Variants in DPP6 observed in about 807,000 individuals in gnomAD.
DPP6 encodes the protein dipeptidyl peptidase like 6.
A neutral mutation model predicts 122.6 loss-of-function variants in DPP6; 69 were observed. That is an observed-to-expected ratio of 0.56 (90% CI 0.46 to 0.69). The LOEUF is 0.69. Among genes scored for constraint, DPP6 ranks in the 30% least tolerant of loss-of-function variants. The pLI, the probability that DPP6 is intolerant of heterozygous loss-of-function variation, is 0.00. For missense variants in DPP6, 928 were observed against 1,116.9 expected (o/e 0.83, Z 2.41); for synonymous variants, 418 against 433.1 (o/e 0.97, Z 0.43).
chr7:154,652,805 G>A (rs1171896061), intron 6 of DPP6, among the ~76,000 whole-genome samples: 1 of 151,982 alleles, frequency 6.6e-6, no homozygotes, highest in Non-Finnish European at 1.5e-5. Context: ...GAGTGTTTGA[G>A]CAATTTGTTC....
At chr7:154,179,381 C>G (rs541327275) in intron 1 of DPP6, among the ~76,000 whole-genome samples, 8 of 152,144 alleles carry the variant, frequency 5.3e-5, no homozygotes, top group Admixed American at 2.0e-4. Flanking sequence ...GGGTATTTAA[C>G]GGGCCATTGG....
rs1335788527 is a variant in DPP6, at chr7:154,524,199, T to G, written c.458-16333T>G. Among the ~76,000 whole-genome samples, 7 of 152,346 alleles carry G rather than the reference T, an allele frequency of 4.6e-5. No homozygotes were observed. The East Asian group carries it at 1.2e-3, about 25-fold the overall frequency. On this transcript the variant is annotated intron_variant, in intron 3 of 25. Transcript: ENST00000377770. ...TGTTCAGCTATGGAAAATAAATAGT[T>G]TTGTTTTCTTTAATGTTTTGTGAGT...
At chr7:153,785,623 C>T in the DPP6 span, among the ~76,000 whole-genome samples, 1 of 152,146 alleles carries the variant, frequency 6.6e-6, no homozygotes, top group African/African-American at 2.4e-5. Flanking sequence ...TGAGTTCCCT[C>T]ATTGGGAAAT....
chr7:154,336,056 G>GT (rs1188260370), intron 1 of DPP6, among the ~76,000 whole-genome samples: 9 of 151,888 alleles, frequency 5.9e-5, no homozygotes, highest in Non-Finnish European at 1.5e-5. Context: ...CTGTATTGAT[G>GT]TTTTTCCACA....
chr7:154,517,266 C>A (rs192465757), intron 3 of DPP6, among the ~76,000 whole-genome samples: 142 of 152,290 alleles, frequency 9.3e-4, no homozygotes, highest in Non-Finnish European at 1.3e-3. Context: ...GGAACAAAAT[C>A]AGATCCCAGT....
intron 1 of DPP6, among the ~76,000 whole-genome samples, chr7:154,151,251 C>A (rs1426078562): frequency 6.6e-6 from 1 of 152,180 alleles, no homozygotes; most frequent in Non-Finnish European, 1.5e-5. Flanking sequence ...TTGCCCCAGG[C>A]CTCTCCCATC....
intron 8 of DPP6, among the ~76,000 whole-genome samples, chr7:154,745,220 C>G (rs1242578375): frequency 6.6e-6 from 1 of 152,176 alleles, no homozygotes; most frequent in Non-Finnish European, 1.5e-5. Context: ...GGCTTGGTCT[C>G]CTCATCCTGG....
intron 3 of DPP6, among the ~76,000 whole-genome samples, chr7:154,528,289 G>A (rs935714264): frequency 6.6e-6 from 1 of 152,120 alleles, no homozygotes; most frequent in Non-Finnish European, 1.5e-5. Context: ...GCGTTAAAAT[G>A]CACTCTACAC....
chr7:154,062,728 G>T (rs551919892), intron 1 of DPP6, among the ~76,000 whole-genome samples: 5 of 55,938 alleles, frequency 8.9e-5, no homozygotes, highest in Admixed American at 1.8e-4. Context: ...CCCATCGTAG[G>T]GGGGGGGAGG....
chr7:154,406,051 A>G (rs994511283), intron 1 of DPP6, among the ~76,000 whole-genome samples: 1 of 152,172 alleles, frequency 6.6e-6, no homozygotes, highest in Non-Finnish European at 1.5e-5. Context: ...ATATAAATAA[A>G]TCTTATATTA....
intron 18 of DPP6, among the ~76,000 whole-genome samples, chr7:154,869,695 A>G (rs1393800720): frequency 6.6e-6 from 1 of 152,164 alleles, no homozygotes; most frequent in Non-Finnish European, 1.5e-5. Flanking sequence ...CCTGCAGCCC[A>G]CCACAGGTCC....
intron 1 of DPP6, among the ~76,000 whole-genome samples, chr7:154,335,920 A>G (rs575555143): frequency 6.6e-6 from 1 of 152,236 alleles, no homozygotes; most frequent in Non-Finnish European, 1.5e-5. Flanking sequence ...GCCACATTGC[A>G]TTCTAGGGGT....
chr7:154,566,813 T>C (rs772614958), intron 4 of DPP6, 29 bp from the exon 5 acceptor site: 11 of 1,340,338 alleles, frequency 8.2e-6, no homozygotes, highest in Non-Finnish European at 1.1e-5. Context: ...TGTAATGCTT[T>C]AAAATTCTTT....
At chr7:154,153,626 T>C (rs1796535339) in intron 1 of DPP6, among the ~76,000 whole-genome samples, 1 of 152,184 alleles carries the variant, frequency 6.6e-6, no homozygotes, top group African/African-American at 2.4e-5. Flanking sequence ...CTGACCACAG[T>C]AAGTGCTCAG....
At chr7:153,809,967 A>G in the DPP6 span, among the ~76,000 whole-genome samples, 1 of 152,124 alleles carries the variant, frequency 6.6e-6, no homozygotes, top group African/African-American at 2.4e-5. Flanking sequence ...ATCTTAGCAG[A>G]AGTCTCCAGT....
At chr7:154,482,490 C>A (rs1238440966) in intron 3 of DPP6, among the ~76,000 whole-genome samples, 1 of 152,062 alleles carries the variant, frequency 6.6e-6, no homozygotes, top group Non-Finnish European at 1.5e-5. Flanking sequence ...GAGATTAACA[C>A]AAATTTAAAA....
intron 2 of DPP6, among the ~76,000 whole-genome samples, chr7:154,449,173 A>G (rs1156590165): frequency 6.6e-6 from 1 of 152,184 alleles, no homozygotes; most frequent in African/African-American, 2.4e-5. Context: ...TCAGGTATCT[A>G]GTAAAGGTCT....
intron 1 of DPP6, among the ~76,000 whole-genome samples, chr7:154,324,867 A>ATTTTTTTTTT (rs143944650): frequency 6.2e-5 from 7 of 113,084 alleles, no homozygotes; most frequent in African/African-American, 1.4e-4. Context: ...TCCTTTTGTT[A>ATTTTTTTTTT]TTTTTTTTTT....
At chr7:153,788,692 A>C in the DPP6 span, among the ~76,000 whole-genome samples, 1 of 152,180 alleles carries the variant, frequency 6.6e-6, no homozygotes, top group Admixed American at 6.5e-5. Context: ...GGCAGAGTGC[A>C]GTGGCTCACG....
Sources: gnomAD v4.1 joint callset for allele counts (sites outside exome capture counted in the v4.1 genomes callset) on GRCh38, gnomAD v4.1.1 for gene constraint, MANE v1.5 for transcripts, NCBI Gene and HGNC (gene_info 2026-07-23, HGNC 2026-07-21) for gene names.